Variants in CLYBL observed in about 807,000 individuals in gnomAD.
CLYBL encodes the protein citramalyl-CoA lyase, mitochondrial.
Under a neutral mutation model 38.9 loss-of-function variants are expected in CLYBL, and 31 were observed. That is an observed-to-expected ratio of 0.80 (90% CI 0.60 to 1.08). CLYBL has a LOEUF of 1.08. Among genes scored for constraint, CLYBL ranks in the 50% least tolerant of loss-of-function variants. CLYBL has a pLI of 0.00. For synonymous variants in CLYBL, 171 were observed against 158.6 expected (o/e 1.08, Z -0.59); for missense variants, 434 against 411.6 (o/e 1.05, Z -0.47).
intron 2 of CLYBL, among the ~76,000 whole-genome samples, chr13:99,785,626 T>C (rs1209404857): frequency 6.6e-6 from 1 of 150,938 alleles, no homozygotes; most frequent in Non-Finnish European, 1.5e-5. Flanking sequence ...AGATGGAGTC[T>C]CGCTCTGTCA....
At chr13:99,712,533 A>G (rs1218010305) in intron 1 of CLYBL, among the ~76,000 whole-genome samples, 1 of 151,154 alleles carries the variant, frequency 6.6e-6, no homozygotes, top group Non-Finnish European at 1.5e-5. Context: ...TTTTTGGTAG[A>G]GACAGAGTTT....
At chr13:99,662,003 G>A (rs948399087) in intron 1 of CLYBL, among the ~76,000 whole-genome samples, 3 of 152,142 alleles carry the variant, frequency 2.0e-5, no homozygotes, top group Admixed American at 1.3e-4. Flanking sequence ...TGTTTCTGCC[G>A]CAGCTGAAGG....
chr13:99,906,566 G>A (rs2052700538), intron 9 of CLYBL, among the ~76,000 whole-genome samples: 1 of 152,042 alleles, frequency 6.6e-6, no homozygotes, highest in South Asian at 2.1e-4. Context: ...TGGGATTACA[G>A]GTGCCTGCCA....
intron 1 of CLYBL, among the ~76,000 whole-genome samples, chr13:99,651,947 T>C (rs1215944547): frequency 6.6e-6 from 1 of 150,608 alleles, no homozygotes; most frequent in African/African-American, 2.5e-5. Flanking sequence ...GAAAAAAAGA[T>C]TCTTGGTTGT....
chr13:99,878,924 A>G (rs2052120300), intron 7 of CLYBL, among the ~76,000 whole-genome samples: 1 of 152,224 alleles, frequency 6.6e-6, no homozygotes, highest in South Asian at 2.1e-4. Flanking sequence ...GAAAGTTTTA[A>G]AAATAGAAGG....
intron 2 of CLYBL, among the ~76,000 whole-genome samples, chr13:99,841,467 T>G (rs905088815): frequency 1.3e-5 from 2 of 151,978 alleles, no homozygotes; most frequent in Non-Finnish European, 2.9e-5. Context: ...TGGTGTAGTC[T>G]CAGCTCACTG....
At chr13:99,637,442 GA>G (rs1412227648) in intron 1 of CLYBL, among the ~76,000 whole-genome samples, 1 of 152,158 alleles carries the variant, frequency 6.6e-6, no homozygotes, top group Non-Finnish European at 1.5e-5. Context: ...TGGTAAAGAA[GA>G]AAAAAGTTGC....
intron 2 of CLYBL, among the ~76,000 whole-genome samples, chr13:99,858,633 G>A (rs553142384): frequency 2.6e-5 from 4 of 152,286 alleles, no homozygotes; most frequent in African/African-American, 4.8e-5. Context: ...TGTGCACTGC[G>A]GTGCGTCTCG....
At chr13:99,640,355 C>G (rs2047075787) in intron 1 of CLYBL, among the ~76,000 whole-genome samples, 1 of 152,124 alleles carries the variant, frequency 6.6e-6, no homozygotes, top group African/African-American at 2.4e-5. Flanking sequence ...TAATGTTTCA[C>G]TAGGTTCACT....
In CLYBL at chr13:99,849,710, T is replaced by G. The variant is rs931887002; in HGVS notation, c.250-9151T>G. 1.1e-4 allele frequency among the ~76,000 whole-genome samples: 16 copies of G among 152,086 alleles called. No individual in the cohort carries two copies. Among genetic ancestry groups the G allele is most frequent in the Admixed American group, 4.6e-4 (7 of 15,278 alleles). On this transcript the variant is annotated intron_variant, in intron 2 of 8. Coordinates refer to ENST00000339105, the MANE Select transcript of CLYBL (RefSeq NM_206808.5). The surrounding 1 kb of genome is among the most constrained non-coding windows in gnomAD (Gnocchi z 4.9). ...AATACCAAAGGCCTGGCACATATAG[T>G]TAAGGAAAATCCACCAGGAGGAGAT...
At chr13:99,857,206 T>G (rs950342130) in intron 2 of CLYBL, among the ~76,000 whole-genome samples, 4 of 151,824 alleles carry the variant, frequency 2.6e-5, no homozygotes, top group Non-Finnish European at 5.9e-5. Context: ...TCCTAGCTAC[T>G]CAGGGGGCTG....
intron 3 of CLYBL, 31 bp from the exon 4 acceptor site, chr13:99,862,960 C>A: frequency 7.7e-7 from 1 of 1,294,896 alleles, no homozygotes; most frequent in Non-Finnish European, 1.1e-6. Context: ...ATTTTTTCCC[C>A]ACTAATCACC....
At chr13:99,708,747 C>A (rs989493765) in intron 1 of CLYBL, among the ~76,000 whole-genome samples, 1 of 152,118 alleles carries the variant, frequency 6.6e-6, no homozygotes, top group Non-Finnish European at 1.5e-5. Context: ...ACCACAGGTA[C>A]TCAGAATGTG....
chr13:99,694,601 G>A (rs889139402), intron 1 of CLYBL, among the ~76,000 whole-genome samples: 1 of 152,072 alleles, frequency 6.6e-6, no homozygotes, highest in African/African-American at 2.4e-5. Flanking sequence ...TATCATGTGG[G>A]GTGCTCCTTG....
At chr13:99,666,522 C>A (rs955946974) in intron 1 of CLYBL, among the ~76,000 whole-genome samples, 29 of 152,052 alleles carry the variant, frequency 1.9e-4, no homozygotes, top group African/African-American at 6.8e-4. Context: ...TCCCCCCTTT[C>A]TTAAATTGTT....
intron 2 of CLYBL, among the ~76,000 whole-genome samples, chr13:99,840,176 C>T (rs765508591): frequency 2.0e-5 from 3 of 151,600 alleles, no homozygotes; most frequent in Admixed American, 2.0e-4. Flanking sequence ...GTCAGAGACA[C>T]CAGGAGACCT....
At chr13:99,822,357 T>C (rs993438934) in intron 2 of CLYBL, among the ~76,000 whole-genome samples, 2 of 152,186 alleles carry the variant, frequency 1.3e-5, no homozygotes, top group Non-Finnish European at 2.9e-5. Context: ...CTGGGAGGCT[T>C]AAAACTGGGA....
At position 99,773,391 on chromosome 13, in the gene CLYBL, A is replaced by G. The variant is rs558599428; in HGVS notation, c.249+381A>G. ...ACAGGCCTGTTAGGAACTGGGCCAG[A>G]ACCCAGGAGATGAGCAGTGGGTGAA... On this transcript the variant is annotated intron_variant, in intron 2 of 8. Coordinates refer to ENST00000339105, the MANE Select transcript of CLYBL (RefSeq NM_206808.5). 3.3e-5 allele frequency among the ~76,000 whole-genome samples: 5 copies of G among 152,328 alleles called. No homozygotes were observed. In the South Asian group the frequency reaches 1.0e-3, roughly 32 times the overall value.
intron 7 of CLYBL, among the ~76,000 whole-genome samples, chr13:99,884,144 G>A (rs2052286053): frequency 6.6e-6 from 1 of 152,100 alleles, no homozygotes; most frequent in African/African-American, 2.4e-5. Flanking sequence ...TACCACACTG[G>A]CCCCGACATT....
Sources: gnomAD v4.1 joint callset for allele counts (sites outside exome capture counted in the v4.1 genomes callset) on GRCh38, gnomAD v4.1.1 for gene constraint, Gnocchi (gnomAD v3.1) non-coding constraint, MANE v1.5 for transcripts, NCBI Gene and HGNC (gene_info 2026-07-23, HGNC 2026-07-21) for gene names.